MAGEA11: variants seen among roughly 807,000 people sequenced by gnomAD.
MAGEA11 encodes the protein melanoma-associated antigen 11.
A neutral mutation model predicts 8.4 loss-of-function variants in MAGEA11; 1 was observed. The observed-to-expected ratio is 0.12, with a 90% CI of 0.04 to 0.57. The LOEUF (loss-of-function observed/expected upper bound fraction) is 0.57. Among genes scored for constraint, MAGEA11 ranks in the 20% least tolerant of loss-of-function variants. The pLI, the probability that MAGEA11 is intolerant of heterozygous loss-of-function variation, is 0.91. For synonymous variants in MAGEA11, 127 were observed against 119.3 expected, an observed-to-expected ratio of 1.06 and a Z score of -0.42; for missense variants, 209 against 317.3, an observed-to-expected ratio of 0.66 and a Z score of 2.59.
chrX:149,713,261 T>C lies in MAGEA11; in HGVS notation c.96+6T>C. 8.8e-7 allele frequency: 1 copy of C among 1,141,103 alleles called. No individual in the cohort carries two copies. Among genetic ancestry groups the C allele is most frequent in the South Asian group, 1.9e-5 (1 of 52,842 alleles). The allele number at this position is 1,141,103 out of a possible 1,213,427, so 94.0% of individuals were successfully genotyped here. A position where few individuals can be genotyped will look rare whatever the true frequency, so the allele number is the denominator to read the frequency against. On this transcript the variant is annotated splice_donor_region_variant and intron_variant, in intron 2 of 4. Coordinates refer to ENST00000355220, the MANE Select transcript of MAGEA11 (RefSeq NM_005366.5). ...CAGGAGACTTTGGACTCCAGGTCAG[T>C]AGGGACCTTGGCCCTTGGAGTTCCA... is the stretch of plus-strand genomic sequence containing the variant.
intron 1 of MAGEA11, among the ~76,000 whole-genome samples, chrX:149,701,329 T>C (rs2124289291): frequency 9.2e-6 from 1 of 109,016 alleles, no homozygotes; most frequent in South Asian, 4.2e-4. Context: ...ATGGTGAGCA[T>C]TTTTTCATGT....
chrX:149,703,613 A>G, intron 1 of MAGEA11, among the ~76,000 whole-genome samples: 1 of 112,484 alleles, frequency 8.9e-6, no homozygotes, highest in Non-Finnish European at 1.9e-5. Flanking sequence ...TATTGCCCCA[A>G]GCAGGACTAG....
chrX:149,691,155 G>C (rs1360156221), intron 1 of MAGEA11, among the ~76,000 whole-genome samples: 4 of 109,737 alleles, frequency 3.6e-5, no homozygotes, highest in African/African-American at 1.3e-4. Context: ...CATGTTTATT[G>C]TTTTGCGATT....
rs781795026 is a variant in MAGEA11 at position 149,715,828 on chromosome X, G to A, written c.342G>A (p.Glu114=). The change falls in exon 5 of 5, where the codon GAG becomes GAA. Residue 114 remains glutamate, a synonymous_variant. Transcript: ENST00000355220. ...TAACCAGAGTCATCATGCCTCTTGA[G>A]CAAAGAAGTCAGCACTGCAAGCCTG... ...ADLTRVIMPL[E]QRSQHCKPEE... is the part of the protein sequence containing the mutation. 9.9e-6 allele frequency: 12 copies of A among 1,208,239 alleles called. No homozygotes were observed. The highest frequency in any genetic ancestry group is 5.6e-6 in the Non-Finnish European group (5 of 894,577).
At chrX:149,693,504 G>A (rs1557360315) in intron 1 of MAGEA11, among the ~76,000 whole-genome samples, 3 of 111,610 alleles carry the variant, frequency 2.7e-5, no homozygotes, top group Non-Finnish European at 5.6e-5. Flanking sequence ...CCCCAGAGAG[G>A]CTCTCTACTG....
At chrX:149,695,181 C>A (rs1490745055) in intron 1 of MAGEA11, among the ~76,000 whole-genome samples, 2 of 111,953 alleles carry the variant, frequency 1.8e-5, no homozygotes, top group Non-Finnish European at 3.8e-5. Context: ...TGGACTCTTT[C>A]TCAAGCATTT....
chrX:149,711,837 G>C (rs2090401796), upstream of MAGEA11: 1 of 745,204 alleles, frequency 1.3e-6, no homozygotes, highest in Non-Finnish European at 1.6e-6. Context: ...GGCTCTGCAA[G>C]GAATCAAGGT....
chrX:149,688,478 G>A (rs1440587569), upstream of MAGEA11, among the ~76,000 whole-genome samples: 1 of 111,606 alleles, frequency 9.0e-6, no homozygotes, highest in East Asian at 2.8e-4. Context: ...TACAACAGAA[G>A]ACTGTCTTCC....
intron 1 of MAGEA11, among the ~76,000 whole-genome samples, chrX:149,694,929 C>A (rs1360775145): frequency 2.7e-5 from 3 of 111,099 alleles, no homozygotes; most frequent in Non-Finnish European, 3.8e-5. Context: ...CCATGTTAAC[C>A]AGGCTGGTCT....
chrX:149,692,146 C>A lies in MAGEA11; in HGVS notation c.9+3162C>A, dbSNP rs370878447. Among the ~76,000 whole-genome samples, 11 of 111,573 alleles carry A rather than the reference C, an allele frequency of 9.9e-5. No homozygotes were observed. In the South Asian group the frequency reaches 3.0e-3, roughly 30 times the overall value. ...GTAGGGCCAGGAGCAGTGGCTCATG[C>A]CTGTAATCCTAGCACATTACAAGGT... On this transcript the variant is annotated intron_variant, in intron 1 of 3. Coordinates refer to the MAGEA11 transcript ENST00000333104.
chrX:149,698,252 A>G (rs992658725), intron 1 of MAGEA11, among the ~76,000 whole-genome samples: 4 of 111,578 alleles, frequency 3.6e-5, no homozygotes, highest in Non-Finnish European at 7.5e-5. Context: ...TATCCAGTCC[A>G]TCATTAAGTA....
intron 2 of MAGEA11, 68 bp downstream of exon 2, chrX:149,713,323 C>T: frequency 2.8e-6 from 2 of 703,230 alleles, no homozygotes; most frequent in Non-Finnish European, 4.3e-6. Context: ...CCTCACTCTG[C>T]CTTTGGGGTG....
intron 2 of MAGEA11, chrX:149,714,013 G>A (rs2090414924): frequency 8.8e-6 from 1 of 114,218 alleles, no homozygotes; most frequent in Admixed American, 9.2e-5. Flanking sequence ...TGAGCACCTT[G>A]TTTCAAGGGG....
In MAGEA11 at chrX:149,715,696, G is replaced by T; in HGVS notation, c.266+19G>T. On this transcript the variant is annotated intron_variant, in intron 4 of 4. Coordinates refer to ENST00000355220, the MANE Select transcript of MAGEA11 (RefSeq NM_005366.5). ...AACAAGTGTAAGTAGGCCTTTGTTA[G>T]ATTCTCCATGGTTCATATCTCATCT... The T allele has an allele frequency of 8.3e-7, 1 of 1,199,313 alleles. No individual in the cohort carries two copies. The highest frequency in any genetic ancestry group is 1.1e-6 in the Non-Finnish European group (1 of 885,301).
At chrX:149,695,877 T>C (rs1277287911) in intron 1 of MAGEA11, among the ~76,000 whole-genome samples, 3 of 111,687 alleles carry the variant, frequency 2.7e-5, no homozygotes, top group Non-Finnish European at 5.7e-5. Flanking sequence ...TGGCGGAAGA[T>C]TCTGAAAAGG....
At chrX:149,715,514 T>A (rs2090422115) in intron 3 of MAGEA11, 90 bp from the exon 4 acceptor site, 7 of 610,491 alleles carry the variant, frequency 1.1e-5, no homozygotes, top group Non-Finnish European at 1.9e-5. Context: ...GACCCCCAGC[T>A]TGCAACCTCA....
At chrX:149,711,489 G>A (rs2090399880), upstream of MAGEA11, among the ~76,000 whole-genome samples, 1 of 111,808 alleles carries the variant, frequency 8.9e-6, no homozygotes. Context: ...GGGTACTGAA[G>A]CCACATGGAA....
intron 3 of MAGEA11, 102 bp downstream of exon 3, chrX:149,714,678 A>G (rs1454212122): frequency 8.9e-7 from 1 of 1,120,718 alleles, no homozygotes; most frequent in African/African-American, 1.8e-5. Context: ...GAGCATGTGC[A>G]GGACTATGTG....
chrX:149,713,972 G>A, intron 2 of MAGEA11: 1 of 113,551 alleles, frequency 8.8e-6, no homozygotes, highest in Non-Finnish European at 1.9e-5. Flanking sequence ...TTTCTGCCAC[G>A]AGGTTGGGGG....
Sources: gnomAD v4.1 joint callset for allele counts (sites outside exome capture counted in the v4.1 genomes callset) on GRCh38, gnomAD v4.1.1 for gene constraint, MANE v1.5 for transcripts, NCBI Gene and HGNC (gene_info 2026-07-23, HGNC 2026-07-21) for gene names.